ATP13A2: variants seen among roughly 807,000 people sequenced by gnomAD.
ATP13A2 encodes ATPase cation transporting 13A2.
A neutral mutation model predicts 138.3 loss-of-function variants in ATP13A2; 83 were observed. The observed-to-expected ratio is 0.60, with a 90% CI of 0.50 to 0.72. ATP13A2 has a LOEUF of 0.72. Among genes scored for constraint, ATP13A2 ranks in the 30% least tolerant of loss-of-function variants. The probability of loss-of-function intolerance (pLI) is 0.00; values close to 1 mark genes in which losing one functional copy is unlikely to be tolerated. For synonymous variants in ATP13A2, 663 were observed against 699.0 expected, an observed-to-expected ratio of 0.95 and a Z score of 0.81; for missense variants, 1,402 against 1,606.4, an observed-to-expected ratio of 0.87 and a Z score of 2.17.
At chr1:16,988,875 C>T (rs997862038) in intron 23 of ATP13A2, among the ~76,000 whole-genome samples, 28 of 151,864 alleles carry the variant, frequency 1.8e-4, no homozygotes, top group African/African-American at 6.3e-4. Flanking sequence ...CTCAGGTGAT[C>T]CACCCGCCTC....
At chr1:17,006,180 G>A (rs1299534159) in intron 1 of ATP13A2, among the ~76,000 whole-genome samples, 2 of 151,532 alleles carry the variant, frequency 1.3e-5, no homozygotes, top group Non-Finnish European at 2.9e-5. Flanking sequence ...CACCTGGTCT[G>A]ACAGAGCCCA....
In ATP13A2 at chr1:17,000,234, C is replaced by T. The variant is rs1557702899; in HGVS notation, c.907+12G>A. On this transcript the variant is annotated intron_variant, in intron 10 of 28. Coordinates refer to ENST00000326735, the MANE Select transcript of ATP13A2 (RefSeq NM_022089.4). ...CACTCCTGCCCCCGCCCCCTGGGCC[C>T]TAGCTCCTCACCTCCCCCTGGCCGG... 6.4e-7 allele frequency: 1 copy of T among 1,557,878 alleles called. No individual in the cohort carries two copies. The highest frequency in any genetic ancestry group is 2.4e-5 in the East Asian group (1 of 41,858).
At chr1:16,990,881 A>G (rs543542238) in intron 20 of ATP13A2, among the ~76,000 whole-genome samples, 1 of 151,996 alleles carries the variant, frequency 6.6e-6, no homozygotes, top group South Asian at 2.1e-4. Flanking sequence ...GTGTGTGCAC[A>G]TATGTGTGTG....
rs111656557 is a variant in ATP13A2 at position 17,004,044 on chromosome 1, G to T, written c.557+288C>A. On this transcript the variant is annotated intron_variant, in intron 6 of 28. Coordinates refer to ENST00000326735, the MANE Select transcript of ATP13A2 (RefSeq NM_022089.4). The surrounding 1 kb of genome is among the most constrained non-coding windows in gnomAD (Gnocchi z 4.1). The stretch of plus-strand genomic sequence containing the variant: ...AGACAGTCTGAGTACAGAGCTGATA[G>T]TCTGATTCACAGTGGTGTCACAACC... 2.0e-5 allele frequency among the ~76,000 whole-genome samples: 3 copies of T among 152,330 alleles called. No individual in the cohort carries two copies. Among genetic ancestry groups the T allele is most frequent in the Middle Eastern group, 3.4e-3 (1 of 294 alleles).
Position 17,001,263 on chromosome 1 carries a change from CAAAAAAA to C in ATP13A2, c.706-736_706-730del, listed in dbSNP as rs376331099. The stretch of plus-strand genomic sequence containing the variant: ...TGAATCCCCGTATCTACTAAAAATA[CAAAAAAA>C]AAAAAAAATTAGCTGGGCGTGGTGG... On this transcript the variant is annotated intron_variant, in intron 8 of 28. Transcript: ENST00000326735. 2.4e-5 allele frequency among the ~76,000 whole-genome samples: 3 copies of C among 124,034 alleles called. No homozygotes were observed. The Admixed American group carries it at 2.5e-4, about 10-fold the overall frequency. The allele number at this position is 124,034 out of a possible 152,430, so 81.4% of individuals were successfully genotyped here.
At position 16,988,198 on chromosome 1, in the gene ATP13A2, G is replaced by A. The variant is rs368404440; in HGVS notation, c.2799C>T (p.Val933=). The change falls in exon 25 of 29, where the codon GTC becomes GTT. Residue 933 remains valine, a synonymous_variant. Transcript: ENST00000326735. The part of the protein sequence containing the change: ...GRCSLDTSFS[V]FKYMALYSLT... The stretch of plus-strand genomic sequence containing the variant: ...GGCTGTACAGAGCCATGTACTTGAA[G>A]ACGCTGAACGAAGTGTCAAGGGAAC... 15 of 1,614,090 alleles carry A rather than the reference G, an allele frequency of 9.3e-6. No individual in the cohort carries two copies. The highest frequency in any genetic ancestry group is 8.5e-7 in the Non-Finnish European group (1 of 1,180,042).
At chr1:16,999,930 CAAATG>C in intron 11 of ATP13A2, 76 bp downstream of exon 11, 1 of 1,473,290 alleles carries the variant, frequency 6.8e-7, no homozygotes, top group South Asian at 1.4e-5. Flanking sequence ...AAAGGAAACT[CAAATG>C]AAAACTTTTG....
intron 11 of ATP13A2, among the ~76,000 whole-genome samples, chr1:16,998,731 G>A (rs952791974): frequency 3.3e-5 from 5 of 152,114 alleles, no homozygotes; most frequent in South Asian, 4.1e-4. Context: ...CGAGCGGGCC[G>A]GTTGAGTCAG....
At chr1:17,009,942 C>A (rs928386401) in intron 1 of ATP13A2, among the ~76,000 whole-genome samples, 1 of 152,194 alleles carries the variant, frequency 6.6e-6, no homozygotes, top group Non-Finnish European at 1.5e-5. Flanking sequence ...TCCTGCAGTA[C>A]ATCTGTTTAT....
rs2076855350 is a variant in ATP13A2 at position 16,989,677 on chromosome 1, T to TGAA, written c.2609+13_2609+14insTTC. 8 of 1,613,924 alleles carry TGAA rather than the reference T, an allele frequency of 5.0e-6. No individual in the cohort carries two copies. The highest frequency in any genetic ancestry group is 5.1e-6 in the Non-Finnish European group (6 of 1,179,884). On this transcript the variant is annotated intron_variant, in intron 23 of 28. Transcript: ENST00000326735. ...TCCGCAGGCCCTTGCCCACACCCTCTGCCGAGCACTCACTGAAGCTTCTGT... is the reference window on the plus strand; with the variant it reads ...TCCGCAGGCCCTTGCCCACACCCTCTGAAGCCGAGCACTCACTGAAGCTTCTGT...
At chr1:16,990,341 C>T in intron 20 of ATP13A2, 54 bp from the exon 21 acceptor site, 2 of 1,604,856 alleles carry the variant, frequency 1.2e-6, no homozygotes, top group South Asian at 2.2e-5. Flanking sequence ...AGGCCATCCT[C>T]ATCCTGATCC....
Position 17,004,628 on chromosome 1 carries a change from T to C in ATP13A2, c.477+64A>G. ...GTGGTGGGAGAACATGAAGTCTGAC[T>C]CTCCCATTGCACAGATCATGAAACC... On this transcript the variant is annotated intron_variant, in intron 5 of 28. Transcript: ENST00000326735. This position sits in a 1 kb window ranked among gnomAD's most constrained non-coding sequence, Gnocchi z 4.1. The C allele has an allele frequency of 1.2e-6, 2 of 1,613,450 alleles. No homozygotes were observed. Among genetic ancestry groups the C allele is most frequent in the Admixed American group, 1.7e-5 (1 of 60,002 alleles).
Position 16,990,265 on chromosome 1 carries a change from C to T in ATP13A2, c.2274G>A (p.Val758=). 1 of 1,614,040 alleles carries T rather than the reference C, an allele frequency of 6.2e-7. No homozygotes were observed. Among genetic ancestry groups the T allele is most frequent in the South Asian group, 1.1e-5 (1 of 91,086 alleles). The change falls in exon 21 of 29, where the codon GTG becomes GTA. Residue 758 remains valine (V), a synonymous_variant. Coordinates refer to ENST00000326735, the MANE Select transcript of ATP13A2 (RefSeq NM_022089.4). The part of the protein sequence containing the change: ...MVTGDNLQTA[V]TVARGCGMVA... ...CCATGCCACAGCCCCGGGCCACAGTCACCGCTGTCTGCAGGTTGTCCCCTG... is the reference window on the plus strand; with the variant it reads ...CCATGCCACAGCCCCGGGCCACAGTTACCGCTGTCTGCAGGTTGTCCCCTG...
rs1022594088 is a variant in ATP13A2, at chr1:17,005,872, C to G, written c.11-94G>C. On this transcript the variant is annotated intron_variant, in intron 1 of 28. Transcript: ENST00000326735. ...ACATCAGCCTGGGCGCGGTGGCTCA[C>G]GCCTGTAATCCCAGCACTTTGGGAG... The G allele has an allele frequency of 2.0e-5, 24 of 1,224,046 alleles. No individual in the cohort carries two copies. The African/African-American group carries it at 3.5e-4, about 18-fold the overall frequency. The allele number at this position is 1,224,046 out of a possible 1,614,324, so 75.8% of individuals were successfully genotyped here. A position where few individuals can be genotyped will look rare whatever the true frequency, so the allele number is the denominator to read the frequency against.
chr1:16,988,227 GC>G lies in ATP13A2; in HGVS notation c.2769del (p.Arg924AlafsTer19). Reference protein sequence around the residue: ...IECVPMVIREGRCSLDTSFSV... With the variant: ...IECVPMVIREXRCSLDTSFSV... Reference sequence around the variant, plus strand: ...CTGAACGAAGTGTCAAGGGAACAGCGCCCCTCCCTGGGTGGCAGGGCACGGA... The same window carrying G: ...CTGAACGAAGTGTCAAGGGAACAGCGCCCTCCCTGGGTGGCAGGGCACGGA... On this transcript the variant is annotated frameshift_variant, in exon 25 of 29. Coordinates refer to ENST00000326735, the MANE Select transcript of ATP13A2 (RefSeq NM_022089.4). LOFTEE classifies it high-confidence loss of function. 1 of 1,614,184 alleles carries G rather than the reference GC, an allele frequency of 6.2e-7. No homozygotes were observed. The highest frequency in any genetic ancestry group is 8.5e-7 in the Non-Finnish European group (1 of 1,180,020).
At position 17,005,000 on chromosome 1, in the gene ATP13A2, T is replaced by A; in HGVS notation, c.347+14A>T. On this transcript the variant is annotated intron_variant, in intron 4 of 28. Transcript: ENST00000326735. The surrounding 1 kb of genome is among the most constrained non-coding windows in gnomAD (Gnocchi z 4.1). ...AGCAGGGGCTTCTGGGAAGGGGCAA[T>A]GGGGCTGCCTCACCTGCCCTCGCCG... 1.2e-6 allele frequency: 2 copies of A among 1,613,536 alleles called. No homozygotes were observed. The highest frequency in any genetic ancestry group is 1.7e-6 in the Non-Finnish European group (2 of 1,179,922).
Position 17,000,472 on chromosome 1 carries a change from G to C in ATP13A2, c.768C>G (p.Tyr256Ter). The change falls in exon 9 of 29, where the codon TAC becomes TAG. Residue 256 changes from tyrosine to a stop codon, truncating the protein, a stop_gained. Transcript: ENST00000326735. LOFTEE classifies it high-confidence loss of function. ...FSIALWLADH[Y>*]YWYALCIFLI... ...GGAAGATGCACAGGGCGTACCAGTA[G>C]TAGTGGTCAGCCAGCCACAGCGCGA... The C allele has an allele frequency of 6.2e-7, 1 of 1,614,128 alleles. No homozygotes were observed. The highest frequency in any genetic ancestry group is 8.5e-7 in the Non-Finnish European group (1 of 1,179,988).
Position 17,004,872 on chromosome 1 carries a change from C to T in ATP13A2, c.348-51G>A. On this transcript the variant is annotated intron_variant, in intron 4 of 28. Coordinates refer to ENST00000326735, the MANE Select transcript of ATP13A2 (RefSeq NM_022089.4). This position sits in a 1 kb window ranked among gnomAD's most constrained non-coding sequence, Gnocchi z 4.1. ...TCGAGCTCTGGGAGCTGCCCTGGCA[C>T]CTCCCTGTGCTCACAGAGCCATCTT... 2 of 1,613,444 alleles carry T rather than the reference C, an allele frequency of 1.2e-6. No individual in the cohort carries two copies. The highest frequency in any genetic ancestry group is 1.7e-6 in the Non-Finnish European group (2 of 1,179,968).
At position 16,989,924 on chromosome 1, in the gene ATP13A2, C is replaced by T. The variant is rs2076866806; in HGVS notation, c.2492G>A (p.Gly831Asp). 1.0e-5 allele frequency: 16 copies of T among 1,601,140 alleles called. No individual in the cohort carries two copies. The highest frequency in any genetic ancestry group is 4.0e-5 in the African/African-American group (3 of 74,810). Residue 831 changes from glycine (G) to aspartate (D), a missense_variant, in exon 22 of 29, where the codon GGT becomes GAT. Physicochemically the swap from Gly to Asp is moderately conservative, Grantham distance 94. Coordinates refer to ENST00000326735, the MANE Select transcript of ATP13A2 (RefSeq NM_022089.4). ...CTTGGGGAAGTGCTTCACAATGATACCAAAGGTGGGCCCGCTGAGGGCCAG... is the reference window on the plus strand; with the variant it reads ...CTTGGGGAAGTGCTTCACAATGATATCAAAGGTGGGCCCGCTGAGGGCCAG... ...RHLALSGPTF[G>D]IIVKHFPKLL...
Sources: allele counts gnomAD v4.1 joint callset (sites outside exome capture counted in the v4.1 genomes callset), GRCh38; gene constraint gnomAD v4.1.1; non-coding constraint Gnocchi (gnomAD v3.1); transcripts MANE v1.5; gene names NCBI Gene and HGNC (gene_info 2026-07-23, HGNC 2026-07-21).